CHD1L: variants seen among roughly 807,000 people sequenced by gnomAD.
CHD1L encodes the protein chromodomain helicase DNA binding protein 1 like.
A neutral mutation model predicts 115.9 loss-of-function variants in CHD1L; 118 were observed. The observed-to-expected ratio is 1.02, with a 90% CI of 0.88 to 1.19. CHD1L has a LOEUF of 1.19. Among genes scored for constraint, CHD1L ranks in the 50% most tolerant of loss-of-function variants. The probability of loss-of-function intolerance (pLI) is 0.00; values close to 1 mark genes in which losing one functional copy is unlikely to be tolerated. For missense variants in CHD1L, 1,179 were observed against 1,065.3 expected (o/e 1.11, Z -1.49); for synonymous variants, 411 against 387.1 (o/e 1.06, Z -0.72).
chr1:147,268,763 TG>T lies in CHD1L; in HGVS notation c.989-16del. The T allele has an allele frequency of 1.9e-6, 3 of 1,605,826 alleles. No homozygotes were observed. The highest frequency in any genetic ancestry group is 2.6e-6 in the Non-Finnish European group (3 of 1,174,068). ...CTTACTGAGGGCACATTACTGGGAG[TG>T]GGTTCTTTCTTTTCTAGGTGTGGAG... On this transcript the variant is annotated intron_variant, in intron 9 of 22. Coordinates refer to ENST00000369258, the MANE Select transcript of CHD1L (RefSeq NM_004284.6).
chr1:147,293,529 T>A, intron 20 of CHD1L, 79 bp from the exon 21 acceptor site: 1 of 1,177,952 alleles, frequency 8.5e-7, no homozygotes. Flanking sequence ...TCAAGGGCTG[T>A]GCCGCCTCCA....
intron 2 of CHD1L, among the ~76,000 whole-genome samples, chr1:147,254,556 A>AT (rs1429740663): frequency 6.6e-6 from 1 of 152,028 alleles, no homozygotes; most frequent in Non-Finnish European, 1.5e-5. Flanking sequence ...CATCAGTTGG[A>AT]TTTTCATTGA....
chr1:147,248,074 T>G (rs1667177239), intron 1 of CHD1L, among the ~76,000 whole-genome samples: 1 of 152,232 alleles, frequency 6.6e-6, no homozygotes, highest in Non-Finnish European at 1.5e-5. Context: ...GATCAGGGCT[T>G]GGACATCTTT....
chr1:147,292,834 C>T (rs2103021413), intron 20 of CHD1L, among the ~76,000 whole-genome samples: 1 of 152,316 alleles, frequency 6.6e-6, no homozygotes, highest in Middle Eastern at 3.4e-3. Context: ...GAGGGATCCA[C>T]CCCATGATCC....
At chr1:147,219,840 CTTT>C in the CHD1L span, among the ~76,000 whole-genome samples, 3 of 132,888 alleles carry the variant, frequency 2.3e-5, no homozygotes, top group Admixed American at 7.6e-5. Flanking sequence ...ATGTTAATTG[CTTT>C]TTTTTTTTTT....
upstream of CHD1L, among the ~76,000 whole-genome samples, chr1:147,242,365 T>C (rs1382085273): frequency 6.6e-6 from 1 of 152,208 alleles, no homozygotes; most frequent in Non-Finnish European, 1.5e-5. Context: ...TGACACATGA[T>C]AGTCGATGTT....
the CHD1L span, among the ~76,000 whole-genome samples, chr1:147,229,818 A>G: frequency 7.9e-5 from 12 of 151,898 alleles, no homozygotes; most frequent in East Asian, 9.8e-4. Context: ...TTTGTCTGTT[A>G]TTGGTGTATA....
At chr1:147,227,373 G>T in the CHD1L span, among the ~76,000 whole-genome samples, 1 of 152,090 alleles carries the variant, frequency 6.6e-6, no homozygotes, top group Non-Finnish European at 1.5e-5. Context: ...TCCTCCTACT[G>T]AATCAGTTTT....
At chr1:147,178,396 T>C in the CHD1L span, 3 of 1,610,846 alleles carry the variant, frequency 1.9e-6, no homozygotes, top group Non-Finnish European at 2.5e-6. Context: ...CTGTAATAAA[T>C]ATGGAGTCAG....
the CHD1L span, among the ~76,000 whole-genome samples, chr1:147,191,413 T>G: frequency 7.9e-5 from 12 of 152,292 alleles, no homozygotes; most frequent in East Asian, 2.3e-3. Context: ...GTGGTTTTGA[T>G]TTGCATTTCT....
chr1:147,242,663 G>A (rs782770332), upstream of CHD1L: 5 of 1,262,098 alleles, frequency 4.0e-6, no homozygotes, highest in Non-Finnish European at 4.0e-6. Flanking sequence ...TGGGAGGGAG[G>A]TGCGCGCTTG....
the CHD1L span, chr1:147,178,360 G>T: frequency 6.8e-6 from 11 of 1,612,228 alleles, no homozygotes; most frequent in Non-Finnish European, 9.3e-6. Flanking sequence ...ATTAGCAAAG[G>T]CTGATTGCAC....
the CHD1L span, among the ~76,000 whole-genome samples, chr1:147,182,491 T>G: frequency 6.6e-6 from 1 of 152,052 alleles, no homozygotes; most frequent in Non-Finnish European, 1.5e-5. Context: ...TAAACTTAAA[T>G]CTTATTTAAG....
chr1:147,248,218 T>TTC (rs1248379648), intron 1 of CHD1L, among the ~76,000 whole-genome samples: 1 of 151,792 alleles, frequency 6.6e-6, no homozygotes, highest in Non-Finnish European at 1.5e-5. Context: ...TTATTTTTTT[T>TTC]TTCTTTGAGA....
At chr1:147,228,139 C>G in the CHD1L span, among the ~76,000 whole-genome samples, 17 of 152,030 alleles carry the variant, frequency 1.1e-4, no homozygotes, top group African/African-American at 3.6e-4. Context: ...AGGTATATCT[C>G]CTAATGCTAT....
chr1:147,249,885 G>A (rs1667867496), intron 1 of CHD1L, among the ~76,000 whole-genome samples: 1 of 151,952 alleles, frequency 6.6e-6, no homozygotes, highest in African/African-American at 2.4e-5. Flanking sequence ...AGGTCCCGGA[G>A]GGTCATTTGT....
At chr1:147,242,619 G>A (rs1433075876), upstream of CHD1L, 15 of 1,211,692 alleles carry the variant, frequency 1.2e-5, no homozygotes, top group Non-Finnish European at 1.5e-5. Flanking sequence ...GTGGGCCCCA[G>A]CGCGCAGTCG....
intron 1 of CHD1L, among the ~76,000 whole-genome samples, chr1:147,243,377 A>G (rs1419588366): frequency 6.6e-6 from 1 of 151,792 alleles, no homozygotes; most frequent in Non-Finnish European, 1.5e-5. Flanking sequence ...ACTGTTTATG[A>G]AGCTATTTTT....
the CHD1L span, chr1:147,201,147 C>T: frequency 1.2e-6 from 2 of 1,600,404 alleles, no homozygotes; most frequent in East Asian, 2.2e-5. Flanking sequence ...TGCATGGTCA[C>T]TTACCTTTAA....
Sources: allele counts gnomAD v4.1 joint callset (sites outside exome capture counted in the v4.1 genomes callset), GRCh38; gene constraint gnomAD v4.1.1; transcripts MANE v1.5; gene names NCBI Gene and HGNC (gene_info 2026-07-23, HGNC 2026-07-21).